Variants in FAM120A observed in about 807,000 individuals in gnomAD.
The protein encoded by FAM120A is constitutive coactivator of PPAR-gamma-like protein 1.
A neutral mutation model predicts 109.7 loss-of-function variants in FAM120A; 15 were observed. The ratio of observed to expected loss-of-function variants is 0.14; its 90% confidence interval spans 0.09 to 0.21. The LOEUF is 0.21. FAM120A is among the 10% of genes least tolerant of loss of function. The pLI is 1.00. For synonymous variants in FAM120A, 493 were observed against 572.8 expected, an observed-to-expected ratio of 0.86 and a Z score of 1.99; for missense variants, 899 against 1,439.3, an observed-to-expected ratio of 0.62 and a Z score of 6.07.
rs1387305084 is a variant in FAM120A, at chr9:93,564,225, A to G, written c.3046-4A>G. On this transcript the variant is annotated splice_region_variant and splice_polypyrimidine_tract_variant and intron_variant, in intron 17 of 17. Transcript: ENST00000277165. ...TCTCATTTGTTGTCCTTCATTTTAA[A>G]CAGGGCAGACCTCCTTATGCTGCTT... 1.3e-6 allele frequency: 2 copies of G among 1,595,178 alleles called. No individual in the cohort carries two copies. Among genetic ancestry groups the G allele is most frequent in the Non-Finnish European group, 1.7e-6 (2 of 1,165,292 alleles).
At chr9:93,513,772 T>G (rs2131399604) in intron 5 of FAM120A, among the ~76,000 whole-genome samples, 1 of 152,350 alleles carries the variant, frequency 6.6e-6, no homozygotes, top group African/African-American at 2.4e-5. Context: ...TGACCATGCT[T>G]GGCTCTCAGG....
chr9:93,481,281 T>G (rs1387955171), intron 3 of FAM120A, among the ~76,000 whole-genome samples: 1 of 152,274 alleles, frequency 6.6e-6, no homozygotes, highest in East Asian at 1.9e-4. Flanking sequence ...TCCTAACTGG[T>G]TACGGGAATT....
chr9:93,545,780 C>CTTTTTTTTTTTTTTTTTTTTTTTTTTT lies in FAM120A; in HGVS notation c.2159+2335_2159+2336insTTTTTTTTTTTTTTTTTTTTTTTTTTT, dbSNP rs774150537. ...GAAGACTGGCTGATGGGAAAGACTC[C>CTTTTTTTTTTTTTTTTTTTTTTTTTTT]TTTTTTTTTTTTTTTTTTTTTTTTT... On this transcript the variant is annotated intron_variant, in intron 11 of 17. Coordinates refer to ENST00000277165, the MANE Select transcript of FAM120A (RefSeq NM_014612.5). Among the ~76,000 whole-genome samples the CTTTTTTTTTTTTTTTTTTTTTTTTTTT allele has an allele frequency of 4.7e-4, 31 of 65,512 alleles. 6 individuals are homozygous for CTTTTTTTTTTTTTTTTTTTTTTTTTTT. Among genetic ancestry groups the CTTTTTTTTTTTTTTTTTTTTTTTTTTT allele is most frequent in the East Asian group, 2.1e-3 (4 of 1,936 alleles). 43.0% of individuals were successfully genotyped at this position (65,512 alleles called of 152,430 possible). A position where few individuals can be genotyped will look rare whatever the true frequency, so the allele number is the denominator to read the frequency against.
intron 11 of FAM120A, among the ~76,000 whole-genome samples, chr9:93,549,391 G>A (rs1862014892): frequency 6.6e-6 from 1 of 152,220 alleles, no homozygotes; most frequent in African/African-American, 2.4e-5. Flanking sequence ...CAGTAGATGA[G>A]TTAAAGTGTG....
At chr9:93,492,358 C>G (rs982681840) in intron 3 of FAM120A, among the ~76,000 whole-genome samples, 5 of 152,190 alleles carry the variant, frequency 3.3e-5, no homozygotes, top group African/African-American at 1.2e-4. Flanking sequence ...TATTACAACT[C>G]TCCAATCTAT....
At chr9:93,537,604 A>G (rs898650814) in intron 10 of FAM120A, among the ~76,000 whole-genome samples, 8 of 152,162 alleles carry the variant, frequency 5.3e-5, no homozygotes, top group African/African-American at 1.9e-4. Flanking sequence ...GGTGAGTACT[A>G]TTTTTATGAA....
At chr9:93,537,973 G>A (rs1297965057) in intron 10 of FAM120A, among the ~76,000 whole-genome samples, 1 of 151,898 alleles carries the variant, frequency 6.6e-6, no homozygotes, top group African/African-American at 2.4e-5. Flanking sequence ...GAAGGCAAAT[G>A]ATATGACAGG....
rs1862617997 is a variant in FAM120A, at chr9:93,565,935, A to G, written c.*1395A>G. 1 of 152,670 alleles carries G rather than the reference A, an allele frequency of 6.6e-6. No homozygotes were observed. The highest frequency in any genetic ancestry group is 1.9e-4 in the East Asian group (1 of 5,202). 9.5% of individuals were successfully genotyped at this position (152,670 alleles called of 1,614,324 possible). On this transcript the variant is annotated 3_prime_UTR_variant, in exon 18 of 18. Coordinates refer to ENST00000277165, the MANE Select transcript of FAM120A (RefSeq NM_014612.5). ...TGTAATTCCCCAACCCCTGCCCGCA[A>G]GAGCTAAGTAGGATCTTACTGTAAG...
intron 7 of FAM120A, among the ~76,000 whole-genome samples, chr9:93,520,224 C>T (rs1413486899): frequency 2.0e-5 from 3 of 152,110 alleles, no homozygotes; most frequent in Non-Finnish European, 4.4e-5. Context: ...TGGTACTGTA[C>T]ACCTGTAGTC....
chr9:93,561,041 T>G (rs1469648134), intron 15 of FAM120A, 68 bp from the exon 16 acceptor site: 1 of 1,541,962 alleles, frequency 6.5e-7, no homozygotes, highest in Non-Finnish European at 8.9e-7. Context: ...GTTTCTTGCT[T>G]GTATCTTTTT....
intron 17 of FAM120A, among the ~76,000 whole-genome samples, chr9:93,562,659 CTTTTTCTTTTTTTT>C (rs1421227756): frequency 6.8e-6 from 1 of 146,736 alleles, no homozygotes; most frequent in Non-Finnish European, 1.5e-5. Flanking sequence ...TTCTTTCTTT[CTTTTTCTTTTTTTT>C]TTTTTTTTTG....
intron 11 of FAM120A, among the ~76,000 whole-genome samples, chr9:93,546,076 G>A (rs148043398): frequency 3.4e-4 from 52 of 152,086 alleles, no homozygotes; most frequent in African/African-American, 1.2e-3. Flanking sequence ...ATGAGCCACC[G>A]CACCTGGCCA....
rs1276087031 is a variant in FAM120A at position 93,561,117 on chromosome 9, C to T, written c.2815C>T (p.Pro939Ser). ...RTSKSQGGVQ[P>S]IPSQGGKLEI... ...GTATATTTTTTATGCAGGAGTCCAA[C>T]CTATACCTTCTCAGGGAGGCAAACT... Residue 939 changes from proline (P) to serine (S), a missense_variant, in exon 16 of 18, where the codon CCT becomes TCT. Physicochemically the swap from Pro to Ser is moderately conservative, Grantham distance 74. Around this residue, in one of 11 missense-constraint regions of FAM120A, gnomAD observed 129 missense variants for 153.4 expected, o/e 0.84. Coordinates refer to ENST00000277165, the MANE Select transcript of FAM120A (RefSeq NM_014612.5). 2.2e-5 allele frequency: 35 copies of T among 1,613,558 alleles called. No individual in the cohort carries two copies. Among genetic ancestry groups the T allele is most frequent in the Non-Finnish European group, 3.0e-5 (35 of 1,180,012 alleles).
chr9:93,546,646 G>T (rs902967493), intron 11 of FAM120A, among the ~76,000 whole-genome samples: 1 of 152,172 alleles, frequency 6.6e-6, no homozygotes, highest in East Asian at 1.9e-4. Flanking sequence ...GCCTGGCAGC[G>T]GAGTGCTGGC....
At chr9:93,490,863 T>C (rs1859281062) in intron 3 of FAM120A, among the ~76,000 whole-genome samples, 1 of 152,210 alleles carries the variant, frequency 6.6e-6, no homozygotes, top group African/African-American at 2.4e-5. Flanking sequence ...TCAAAGATCT[T>C]TTCTGTCTGG....
At chr9:93,472,159 C>T (rs765958887) in intron 2 of FAM120A, among the ~76,000 whole-genome samples, 2 of 151,840 alleles carry the variant, frequency 1.3e-5, no homozygotes, top group Admixed American at 6.6e-5. Context: ...ACTTGGGAGG[C>T]TGAGGCACAA....
At position 93,471,528 on chromosome 9, in the gene FAM120A, A is replaced by G. The variant is rs1032864525; in HGVS notation, c.721+141A>G. The G allele has an allele frequency of 4.8e-6, 5 of 1,050,706 alleles. No homozygotes were observed. In the African/African-American group the frequency reaches 4.8e-5, roughly 10 times the overall value. The allele number at this position is 1,050,706 out of a possible 1,614,324, so 65.1% of individuals were successfully genotyped here. A position where few individuals can be genotyped will look rare whatever the true frequency, so the allele number is the denominator to read the frequency against. On this transcript the variant is annotated intron_variant, in intron 2 of 17. Coordinates refer to ENST00000277165, the MANE Select transcript of FAM120A (RefSeq NM_014612.5). ...ACCAAGGCGTGGGCTCTTCCTTAGC[A>G]TTCCTTGCTTCGTATTATTTTTTGG...
At chr9:93,484,517 A>C (rs1858950545) in intron 3 of FAM120A, among the ~76,000 whole-genome samples, 1 of 152,186 alleles carries the variant, frequency 6.6e-6, no homozygotes, top group Non-Finnish European at 1.5e-5. Context: ...CTGGGAGAGA[A>C]CTAGAGTAGA....
Position 93,452,988 on chromosome 9 carries a change from G to C in FAM120A, c.474+599G>C. ...CAGTGCCCTGTCCGTGTTCCTCTTA[G>C]TACAGGGTGTTTAGAGAATCTTTCT... On this transcript the variant is annotated intron_variant, in intron 1 of 17. Coordinates refer to ENST00000277165, the MANE Select transcript of FAM120A (RefSeq NM_014612.5). The surrounding 1 kb of genome is among the most constrained non-coding windows in gnomAD (Gnocchi z 7.0). The C allele has an allele frequency of 7.7e-7, 1 of 1,306,068 alleles. No individual in the cohort carries two copies. Among genetic ancestry groups the C allele is most frequent in the Non-Finnish European group, 9.7e-7 (1 of 1,028,280 alleles). 80.9% of individuals were successfully genotyped at this position (1,306,068 alleles called of 1,614,324 possible). A position where few individuals can be genotyped will look rare whatever the true frequency, so the allele number is the denominator to read the frequency against.
Sources: allele counts gnomAD v4.1 joint callset (sites outside exome capture counted in the v4.1 genomes callset), GRCh38; gene constraint gnomAD v4.1.1; regional missense constraint gnomAD v4.1.1; non-coding constraint Gnocchi (gnomAD v3.1); transcripts MANE v1.5; gene names NCBI Gene and HGNC (gene_info 2026-07-23, HGNC 2026-07-21).